The following SPAG17 variants were observed in gnomAD, a reference collection of about 807,000 sequenced individuals.
SPAG17 encodes the protein sperm-associated antigen 17.
SPAG17 carries 169 observed loss-of-function variants against 273.6 expected under a neutral mutation model. The observed-to-expected ratio is 0.62, with a 90% CI of 0.55 to 0.70. The LOEUF is 0.70. Among genes scored for constraint, SPAG17 ranks in the 30% least tolerant of loss-of-function variants. SPAG17 has a pLI of 0.00. For synonymous variants in SPAG17, 825 were observed against 873.2 expected (o/e 0.94, Z 0.97); for missense variants, 2,557 against 2,627.8 (o/e 0.97, Z 0.59).
At chr1:118,026,315 A>T (rs940660781) in intron 26 of SPAG17, among the ~76,000 whole-genome samples, 4 of 152,226 alleles carry the variant, frequency 2.6e-5, no homozygotes, top group Admixed American at 2.6e-4. Context: ...ATTCTGGCAT[A>T]CCGTACCTAA....
intron 3 of SPAG17, among the ~76,000 whole-genome samples, chr1:118,118,037 T>C (rs1657194573): frequency 6.6e-6 from 1 of 152,254 alleles, no homozygotes; most frequent in South Asian, 2.1e-4. Flanking sequence ...TTTCTTCTGA[T>C]GTCCCATAAT....
chr1:118,171,053 T>C (rs908482410), intron 1 of SPAG17, among the ~76,000 whole-genome samples: 2 of 152,210 alleles, frequency 1.3e-5, no homozygotes, highest in East Asian at 1.9e-4. Flanking sequence ...TAAAGGGCTC[T>C]TTTAAAAACC....
chr1:118,039,567 T>C (rs1382103219), intron 22 of SPAG17, 123 bp from the exon 23 acceptor site: 10 of 956,730 alleles, frequency 1.0e-5, no homozygotes, highest in African/African-American at 1.7e-5. Context: ...ACACTGCATG[T>C]TCTCACTTAG....
chr1:118,148,085 G>C (rs573077982), intron 3 of SPAG17, among the ~76,000 whole-genome samples: 2 of 152,246 alleles, frequency 1.3e-5, no homozygotes, highest in South Asian at 4.1e-4. Flanking sequence ...TTTCTAAAAA[G>C]TTACCATGTA....
chr1:118,174,576 G>A (rs970466963), intron 1 of SPAG17, among the ~76,000 whole-genome samples: 2 of 152,268 alleles, frequency 1.3e-5, no homozygotes, highest in Middle Eastern at 3.4e-3. Context: ...ATTGGTAATG[G>A]TTAAAAGCAT....
At chr1:118,062,366 C>CAAAGAAAAA (rs1652417900) in intron 18 of SPAG17, among the ~76,000 whole-genome samples, 1 of 46,430 alleles carries the variant, frequency 2.2e-5, no homozygotes, top group Non-Finnish European at 3.6e-5. Flanking sequence ...GACTCCATCT[C>CAAAGAAAAA]AAAAAAAAAA....
intron 42 of SPAG17, 53 bp from the exon 43 acceptor site, chr1:117,981,454 T>A (rs1655793715): frequency 6.6e-7 from 1 of 1,522,452 alleles, no homozygotes; most frequent in Non-Finnish European, 8.8e-7. Context: ...AATGATATAA[T>A]GACTACTAAT....
intron 25 of SPAG17, among the ~76,000 whole-genome samples, chr1:118,030,528 G>C (rs139948228): frequency 3.4e-4 from 51 of 152,042 alleles, no homozygotes; most frequent in African/African-American, 1.2e-3. Flanking sequence ...CACCTATCAA[G>C]CCGACATCTA....
chr1:118,028,479 G>A (rs773809444), intron 25 of SPAG17, 85 bp from the exon 26 acceptor site: 59 of 1,544,730 alleles, frequency 3.8e-5, no homozygotes, highest in Non-Finnish European at 5.0e-5. Context: ...GATATGCTGA[G>A]TGCTCAGGAC....
chr1:118,027,802 T>C (rs2101863931), intron 26 of SPAG17, among the ~76,000 whole-genome samples: 1 of 152,310 alleles, frequency 6.6e-6, no homozygotes, highest in Non-Finnish European at 1.5e-5. Context: ...GCCTTGATTT[T>C]CTTAACCTAT....
At chr1:118,074,380 T>C (rs889047873) in intron 16 of SPAG17, among the ~76,000 whole-genome samples, 159 bp downstream of exon 16, 13 of 152,194 alleles carry the variant, frequency 8.5e-5, no homozygotes, top group Non-Finnish European at 1.5e-4. Context: ...TTCTGTCCAG[T>C]TGGAGCTGCT....
chr1:118,121,080 G>C (rs1282526432), intron 3 of SPAG17, among the ~76,000 whole-genome samples: 2 of 151,992 alleles, frequency 1.3e-5, no homozygotes, highest in African/African-American at 2.4e-5. Flanking sequence ...CCAGGGGTGA[G>C]AGCAGCACCC....
intron 5 of SPAG17, 132 bp from the exon 6 acceptor site, chr1:118,099,932 G>A: frequency 1.4e-6 from 1 of 693,108 alleles, no homozygotes; most frequent in Non-Finnish European, 2.3e-6. Context: ...GATCCAGTTG[G>A]CTGGAATGCA....
intron 7 of SPAG17, among the ~76,000 whole-genome samples, chr1:118,093,949 C>T (rs1655551296): frequency 6.6e-6 from 1 of 152,170 alleles, no homozygotes; most frequent in Admixed American, 6.5e-5. Flanking sequence ...GCTCAGATAC[C>T]TCTATTACTT....
chr1:117,968,900 CTT>C (rs1326641488), intron 46 of SPAG17, among the ~76,000 whole-genome samples: 1 of 152,222 alleles, frequency 6.6e-6, no homozygotes, highest in Non-Finnish European at 1.5e-5. Flanking sequence ...TCACACCTCT[CTT>C]GAGTACCCAC....
chr1:118,003,890 G>A (rs372276901), intron 32 of SPAG17, among the ~76,000 whole-genome samples: 1 of 152,148 alleles, frequency 6.6e-6, no homozygotes, highest in African/African-American at 2.4e-5. Context: ...TGGAGGAGAA[G>A]CACTCTGATT....
intron 34 of SPAG17, 105 bp downstream of exon 34, chr1:117,996,265 G>T: frequency 7.3e-7 from 1 of 1,362,892 alleles, no homozygotes. Flanking sequence ...GCAGAAAAGT[G>T]AGCAAAGCGG....
At position 118,048,975 on chromosome 1, in the gene SPAG17, C is replaced by T. The variant is rs148730539; in HGVS notation, c.2814+5027G>A. ...AATTACACATCAACAAATTGATAAC[C>T]TAGAAGGAATGGATAAATTCCTAGA... On this transcript the variant is annotated intron_variant, in intron 20 of 48. Coordinates refer to ENST00000336338, the MANE Select transcript of SPAG17 (RefSeq NM_206996.4). Among the ~76,000 whole-genome samples the T allele has an allele frequency of 2.4e-3, 370 of 152,042 alleles. 1 individual carries two copies. The highest frequency in any genetic ancestry group is 7.8e-3 in the African/African-American group (325 of 41,468).
At chr1:118,180,175 A>G (rs965398270) in intron 1 of SPAG17, among the ~76,000 whole-genome samples, 42 of 152,106 alleles carry the variant, frequency 2.8e-4, no homozygotes, top group African/African-American at 8.7e-4. Context: ...CACAATAGCC[A>G]AAGTATGGAA....
Sources: allele counts gnomAD v4.1 joint callset (sites outside exome capture counted in the v4.1 genomes callset), GRCh38; gene constraint gnomAD v4.1.1; transcripts MANE v1.5; gene names NCBI Gene and HGNC (gene_info 2026-07-23, HGNC 2026-07-21).